The following KLHL32 variants were observed in gnomAD, a reference collection of about 807,000 sequenced individuals.
KLHL32 encodes the protein kelch-like protein 32.
KLHL32 carries 35 observed loss-of-function variants against 64.8 expected under a neutral mutation model. The ratio of observed to expected loss-of-function variants is 0.54; its 90% CI spans 0.41 to 0.72. The LOEUF (loss-of-function observed/expected upper bound fraction) is 0.72. Among genes scored for constraint, KLHL32 ranks in the 30% least tolerant of loss-of-function variants. KLHL32 has a pLI of 0.00. For missense variants in KLHL32, 589 were observed against 768.5 expected, an observed-to-expected ratio of 0.77 and a Z score of 2.76; for synonymous variants, 259 against 281.0, an observed-to-expected ratio of 0.92 and a Z score of 0.78.
chr6:97,017,395 G>A (rs1386242996), intron 3 of KLHL32, among the ~76,000 whole-genome samples: 1 of 152,232 alleles, frequency 6.6e-6, no homozygotes, highest in Non-Finnish European at 1.5e-5. Flanking sequence ...TCATCATTGG[G>A]AGAGTTGCTG....
chr6:97,014,243 C>A (rs1780812037), intron 3 of KLHL32, among the ~76,000 whole-genome samples: 3 of 150,384 alleles, frequency 2.0e-5, no homozygotes, highest in South Asian at 2.1e-4. Flanking sequence ...TGCAGTGAGC[C>A]GAAATCGCGC....
intron 3 of KLHL32, among the ~76,000 whole-genome samples, chr6:96,984,613 C>G (rs2128054554): frequency 6.6e-6 from 1 of 152,292 alleles, no homozygotes; most frequent in East Asian, 1.9e-4. Context: ...TTGCATTGAT[C>G]CCTTTACCAT....
chr6:96,926,569 G>A (rs537862333), intron 1 of KLHL32, among the ~76,000 whole-genome samples: 1 of 152,278 alleles, frequency 6.6e-6, no homozygotes, highest in East Asian at 1.9e-4. Context: ...TCTGGATCCA[G>A]TCTCCTTGCC....
intron 5 of KLHL32, among the ~76,000 whole-genome samples, chr6:97,074,481 T>C (rs1208902283): frequency 2.0e-5 from 3 of 151,862 alleles, no homozygotes; most frequent in Admixed American, 6.6e-5. Context: ...GTATGCTTCA[T>C]AGCATCCAAA....
chr6:96,976,414 T>C (rs1006940749), intron 3 of KLHL32, among the ~76,000 whole-genome samples: 1 of 151,998 alleles, frequency 6.6e-6, no homozygotes, highest in Non-Finnish European at 1.5e-5. Flanking sequence ...AGCCAAGGAG[T>C]GCTTGGCACT....
intron 3 of KLHL32, among the ~76,000 whole-genome samples, chr6:96,989,719 C>T (rs1009090301): frequency 4.6e-5 from 7 of 152,228 alleles, no homozygotes; most frequent in South Asian, 2.1e-4. Flanking sequence ...TTCTCCCCCC[C>T]TCTCTTCCAG....
At chr6:96,959,056 CA>C (rs1773597544) in intron 1 of KLHL32, among the ~76,000 whole-genome samples, 1 of 152,088 alleles carries the variant, frequency 6.6e-6, no homozygotes, top group South Asian at 2.1e-4. Context: ...AGCAACTTCC[CA>C]GAGAAAATTT....
At chr6:96,958,497 AGTAT>A (rs1172887663) in intron 1 of KLHL32, among the ~76,000 whole-genome samples, 1 of 152,180 alleles carries the variant, frequency 6.6e-6, no homozygotes, top group Non-Finnish European at 1.5e-5. Flanking sequence ...AGTGTTGATG[AGTAT>A]GTCTGTATGA....
chr6:97,004,855 G>A (rs775377244), intron 3 of KLHL32, among the ~76,000 whole-genome samples: 2 of 152,014 alleles, frequency 1.3e-5, no homozygotes, highest in African/African-American at 2.4e-5. Context: ...GCTTTTTGAT[G>A]TGCTGCTGGG....
chr6:97,052,119 A>G (rs964578527), intron 4 of KLHL32, among the ~76,000 whole-genome samples: 1 of 152,214 alleles, frequency 6.6e-6, no homozygotes, highest in African/African-American at 2.4e-5. Flanking sequence ...TAAAAGAACA[A>G]ACGAAAGAAG....
chr6:97,069,959 A>C (rs1318372910), intron 5 of KLHL32, among the ~76,000 whole-genome samples: 3 of 151,910 alleles, frequency 2.0e-5, no homozygotes, highest in Non-Finnish European at 2.9e-5. Flanking sequence ...TTAATTATTA[A>C]ATTAAGAGTA....
chr6:97,120,577 C>A (rs1033980307), intron 7 of KLHL32, among the ~76,000 whole-genome samples: 4 of 152,158 alleles, frequency 2.6e-5, no homozygotes, highest in African/African-American at 9.7e-5. Context: ...TGGAATAGTC[C>A]AGAGAATCCT....
At chr6:96,906,698 TAGAC>T in the KLHL32 span, among the ~76,000 whole-genome samples, 3 of 152,332 alleles carry the variant, frequency 2.0e-5, no homozygotes, top group South Asian at 6.2e-4. Context: ...GCTGGACAGA[TAGAC>T]AGCAACAGTA....
intron 3 of KLHL32, among the ~76,000 whole-genome samples, chr6:96,985,281 C>T (rs1437525886): frequency 1.3e-5 from 2 of 152,188 alleles, no homozygotes; most frequent in East Asian, 3.8e-4. Flanking sequence ...GTAACCTGGT[C>T]TTTCTCTCTG....
the KLHL32 span, among the ~76,000 whole-genome samples, chr6:96,898,704 A>C: frequency 4.6e-5 from 7 of 151,974 alleles, no homozygotes; most frequent in East Asian, 1.9e-4. Flanking sequence ...GAAAAAAAAA[A>C]CAAACAAACA....
At chr6:97,084,952 C>G (rs1793158570) in intron 5 of KLHL32, among the ~76,000 whole-genome samples, 174 bp from the exon 6 acceptor site, 1 of 152,006 alleles carries the variant, frequency 6.6e-6, no homozygotes, top group South Asian at 2.1e-4. Context: ...TCTAGAATAG[C>G]TGTTCTCTAT....
intron 5 of KLHL32, among the ~76,000 whole-genome samples, chr6:97,084,057 G>A (rs1042679680): frequency 6.6e-6 from 1 of 152,050 alleles, no homozygotes; most frequent in African/African-American, 2.4e-5. Flanking sequence ...TATCTGCTGA[G>A]GTGCAAACTA....
At chr6:97,068,353 G>A (rs1398536216) in intron 5 of KLHL32, among the ~76,000 whole-genome samples, 1 of 152,096 alleles carries the variant, frequency 6.6e-6, no homozygotes, top group Non-Finnish European at 1.5e-5. Flanking sequence ...CCAAAGTACT[G>A]AATACGCAAC....
At chr6:96,982,922 A>G (rs964373637) in intron 3 of KLHL32, among the ~76,000 whole-genome samples, 1 of 152,264 alleles carries the variant, frequency 6.6e-6, no homozygotes, top group Admixed American at 6.5e-5. Context: ...ACTATGTTCA[A>G]TAGGAGTGGT....
Sources: allele counts gnomAD v4.1 joint callset (sites outside exome capture counted in the v4.1 genomes callset), GRCh38; gene constraint gnomAD v4.1.1; transcripts MANE v1.5; gene names NCBI Gene and HGNC (gene_info 2026-07-23, HGNC 2026-07-21).